Variants in CCDC192 observed in about 807,000 individuals in gnomAD.
The protein encoded by CCDC192 is coiled-coil domain-containing protein 192.
intron 5 of CCDC192, among the ~76,000 whole-genome samples, chr5:127,841,724 C>T (rs1025356435): frequency 1.3e-5 from 2 of 152,132 alleles, no homozygotes; most frequent in South Asian, 2.1e-4. Flanking sequence ...AGTTGTCCAA[C>T]GTGTGTATGG....
intron 6 of CCDC192, among the ~76,000 whole-genome samples, chr5:127,924,871 C>G (rs939137492): frequency 5.3e-5 from 8 of 152,140 alleles, no homozygotes; most frequent in African/African-American, 1.7e-4. Flanking sequence ...AAATGTTTAT[C>G]TTTCCCCACT....
At chr5:127,890,087 C>T (rs1464995781) in intron 6 of CCDC192, among the ~76,000 whole-genome samples, 1 of 152,018 alleles carries the variant, frequency 6.6e-6, no homozygotes, top group Non-Finnish European at 1.5e-5. Flanking sequence ...ATGCGAAGAT[C>T]TCTTGTCCAT....
At chr5:127,846,819 C>CAAAAAA (rs551016691) in intron 5 of CCDC192, among the ~76,000 whole-genome samples, 2 of 63,678 alleles carry the variant, frequency 3.1e-5, no homozygotes, top group Non-Finnish European at 5.8e-5. Flanking sequence ...GTCAATAAAG[C>CAAAAAA]AAAAAAAAAA....
chr5:127,781,576 C>CTTTTTTTTTTT (rs1223496970), intron 3 of CCDC192, among the ~76,000 whole-genome samples: 1 of 124,168 alleles, frequency 8.1e-6, no homozygotes, highest in Non-Finnish European at 1.8e-5. Context: ...CTAAGTATTC[C>CTTTTTTTTTTT]TTTTTTTTTT....
At position 127,761,250 on chromosome 5, in the gene CCDC192, A is replaced by G. The variant is rs552335795; in HGVS notation, c.222+6875A>G. On this transcript the variant is annotated intron_variant, in intron 3 of 6. Transcript: ENST00000514853. ...TTTAACAATTGTTTATTGAGGATTC[A>G]CTATATGCCAGGTACTATATCTAGA... Among the ~76,000 whole-genome samples the G allele has an allele frequency of 3.3e-5, 5 of 152,336 alleles. No individual in the cohort carries two copies. The East Asian group carries it at 9.6e-4, about 29-fold the overall frequency.
chr5:127,854,782 C>T (rs1050839518), intron 5 of CCDC192, among the ~76,000 whole-genome samples: 1 of 152,022 alleles, frequency 6.6e-6, no homozygotes, highest in African/African-American at 2.4e-5. Context: ...TTTTTGGTTT[C>T]CCAGTGCATA....
At chr5:127,906,283 C>T (rs954916192) in intron 6 of CCDC192, among the ~76,000 whole-genome samples, 1 of 152,154 alleles carries the variant, frequency 6.6e-6, no homozygotes, top group Non-Finnish European at 1.5e-5. Flanking sequence ...AATATTTGTC[C>T]TTTTGTATCT....
chr5:127,786,072 T>C (rs1756520871), intron 3 of CCDC192: 8 of 724,110 alleles, frequency 1.1e-5, no homozygotes, highest in Non-Finnish European at 1.7e-5. Context: ...GGATTCTAGA[T>C]ACAAGATTAT....
chr5:127,800,830 G>A (rs1757469363), intron 5 of CCDC192, among the ~76,000 whole-genome samples: 1 of 152,054 alleles, frequency 6.6e-6, no homozygotes, highest in Admixed American at 6.6e-5. Flanking sequence ...GTCAGGCCCT[G>A]AATATGTTTC....
intron 6 of CCDC192, among the ~76,000 whole-genome samples, chr5:127,932,666 C>T (rs1754072396): frequency 1.3e-5 from 2 of 152,156 alleles, no homozygotes; most frequent in Admixed American, 1.3e-4. Context: ...ATGCACTTAA[C>T]TTTCATTTAT....
intron 5 of CCDC192, among the ~76,000 whole-genome samples, chr5:127,845,800 C>T (rs998637209): frequency 6.6e-6 from 1 of 152,142 alleles, no homozygotes; most frequent in Non-Finnish European, 1.5e-5. Flanking sequence ...CATGTATGTG[C>T]TATACATATT....
At chr5:127,934,192 C>T (rs200145233) in intron 6 of CCDC192, among the ~76,000 whole-genome samples, 1 of 150,020 alleles carries the variant, frequency 6.7e-6, no homozygotes, top group Admixed American at 6.7e-5. Context: ...TATTTGTTCC[C>T]TTCTAAGTCA....
chr5:127,781,979 T>A (rs886190220), intron 3 of CCDC192, among the ~76,000 whole-genome samples: 3 of 152,160 alleles, frequency 2.0e-5, no homozygotes. Flanking sequence ...GGGTTTGTCA[T>A]CTTTTATTAC....
At chr5:127,755,390 C>T (rs73345023) in intron 3 of CCDC192, among the ~76,000 whole-genome samples, 3,794 of 152,020 alleles carry the variant, frequency 0.025, 145 homozygotes, top group African/African-American at 0.086. Context: ...CACACAAATG[C>T]CCTTCATTTC....
upstream of CCDC192, among the ~76,000 whole-genome samples, chr5:127,702,583 GA>G (rs1404522500): frequency 1.3e-5 from 2 of 152,116 alleles, no homozygotes; most frequent in African/African-American, 4.8e-5. Context: ...TCTAACCCTA[GA>G]AGCAAATTCT....
intron 2 of CCDC192, among the ~76,000 whole-genome samples, chr5:127,726,430 C>T (rs1752326650): frequency 6.6e-6 from 1 of 152,162 alleles, no homozygotes. Flanking sequence ...AAGTTTTCTC[C>T]TCAAAAATTC....
rs188233912 is a variant in CCDC192, at chr5:127,788,216, G to A, written c.223-8887G>A. On this transcript the variant is annotated intron_variant, in intron 3 of 6. Transcript: ENST00000514853. ...GGACTCCATTGTTTGGTGCATTTAT[G>A]CGTATAGTTTTATATCTCCTTGACA... Among the ~76,000 whole-genome samples, 437 of 151,988 alleles carry A rather than the reference G, an allele frequency of 2.9e-3. 5 individuals are homozygous for A. The highest frequency in any genetic ancestry group is 6.6e-3 in the Admixed American group (101 of 15,256).
chr5:127,936,088 G>C (rs1754178355), intron 6 of CCDC192, among the ~76,000 whole-genome samples: 1 of 152,004 alleles, frequency 6.6e-6, no homozygotes, highest in Non-Finnish European at 1.5e-5. Context: ...TGGGCAACAA[G>C]AGCGAAACTC....
intron 5 of CCDC192, among the ~76,000 whole-genome samples, chr5:127,804,397 C>G (rs1757670746): frequency 6.6e-6 from 1 of 152,170 alleles, no homozygotes; most frequent in Non-Finnish European, 1.5e-5. Flanking sequence ...ACTCTCTCTC[C>G]AGGGACTCAG....
Sources: gnomAD v4.1 joint callset for allele counts (sites outside exome capture counted in the v4.1 genomes callset) on GRCh38, gnomAD v4.1.1 for gene constraint, MANE v1.5 for transcripts, NCBI Gene and HGNC (gene_info 2026-07-23, HGNC 2026-07-21) for gene names.